Variants in AGMO observed in about 807,000 individuals in gnomAD.
The protein encoded by AGMO is glyceryl-ether monooxygenase.
Under a neutral mutation model 60.2 loss-of-function variants are expected in AGMO, and 75 were observed. That is an observed-to-expected ratio of 1.25 (90% CI 1.03 to 1.51). The LOEUF (loss-of-function observed/expected upper bound fraction) is 1.51. Among genes scored for constraint, AGMO ranks in the 40% most tolerant of loss-of-function variants. The probability of loss-of-function intolerance (pLI) is 0.00; values close to 1 mark genes in which losing one functional copy is unlikely to be tolerated. For missense variants in AGMO, 763 were observed against 525.5 expected (o/e 1.45, Z -4.42); for synonymous variants, 261 against 177.1 (o/e 1.47, Z -3.76).
At chr7:15,132,394 A>G in the AGMO span, among the ~76,000 whole-genome samples, 1 of 152,116 alleles carries the variant, frequency 6.6e-6, no homozygotes. Context: ...GACAACAGAA[A>G]AATCTGATGT....
At chr7:15,148,798 T>C in the AGMO span, among the ~76,000 whole-genome samples, 3 of 152,170 alleles carry the variant, frequency 2.0e-5, no homozygotes, top group East Asian at 3.9e-4. Flanking sequence ...TGCATGTGTC[T>C]TTTTGGTAAA....
intron 6 of AGMO, 105 bp downstream of exon 6, chr7:15,394,008 G>A (rs1413933880): frequency 4.7e-6 from 3 of 634,006 alleles, no homozygotes; most frequent in Admixed American, 5.7e-5. Flanking sequence ...TTTGTAAAAT[G>A]TGTGCTGACT....
At chr7:15,361,546 A>AAAAAAAAAAAGAAAAAAAAG (rs60239009) in intron 12 of AGMO, among the ~76,000 whole-genome samples, 1 of 91,408 alleles carries the variant, frequency 1.1e-5, no homozygotes, top group Non-Finnish European at 2.2e-5. Flanking sequence ...TCTCAAAAAA[A>AAAAAAAAAAAGAAAAAAAAG]AAAAAAAAGG....
chr7:15,159,394 T>G, the AGMO span, among the ~76,000 whole-genome samples: 1 of 152,220 alleles, frequency 6.6e-6, no homozygotes, highest in East Asian at 1.9e-4. Context: ...GCTTTGTTTT[T>G]AATTCTTCTG....
chr7:15,511,648 C>T (rs1180056646), intron 3 of AGMO, among the ~76,000 whole-genome samples: 1 of 152,002 alleles, frequency 6.6e-6, no homozygotes, highest in African/African-American at 2.4e-5. Flanking sequence ...TCCCATCCCC[C>T]AAAAGTAACT....
chr7:15,436,904 G>C (rs949692947), intron 3 of AGMO, among the ~76,000 whole-genome samples: 10 of 152,098 alleles, frequency 6.6e-5, no homozygotes, highest in Non-Finnish European at 1.3e-4. Flanking sequence ...TTGAATTGTA[G>C]CAACGGTCTT....
chr7:15,133,402 G>T, the AGMO span, among the ~76,000 whole-genome samples: 1 of 152,158 alleles, frequency 6.6e-6, no homozygotes, highest in African/African-American at 2.4e-5. Context: ...GTGCTGAAAT[G>T]GTTTCAGTTG....
At chr7:15,330,045 A>C (rs1583415378) in intron 12 of AGMO, among the ~76,000 whole-genome samples, 1 of 133,428 alleles carries the variant, frequency 7.5e-6, no homozygotes, top group East Asian at 2.3e-4. Flanking sequence ...TGGATAACTA[A>C]AATATAGAAT....
intron 12 of AGMO, among the ~76,000 whole-genome samples, chr7:15,268,157 T>A (rs966641156): frequency 4.6e-5 from 7 of 152,002 alleles, no homozygotes; most frequent in African/African-American, 1.7e-4. Flanking sequence ...TGATTGCCTG[T>A]TATTAATATG....
chr7:15,258,765 C>A (rs886556779), intron 12 of AGMO, among the ~76,000 whole-genome samples: 1 of 151,978 alleles, frequency 6.6e-6, no homozygotes, highest in Non-Finnish European at 1.5e-5. Flanking sequence ...TCTAGACACT[C>A]GCCAGTACCA....
chr7:15,342,882 C>T (rs1340116673), intron 12 of AGMO, among the ~76,000 whole-genome samples: 1 of 149,178 alleles, frequency 6.7e-6, no homozygotes, highest in African/African-American at 2.5e-5. Flanking sequence ...GCCTCAATAT[C>T]CTCATTTGAG....
intron 2 of AGMO, among the ~76,000 whole-genome samples, chr7:15,547,379 T>G (rs1023098991): frequency 1.1e-4 from 17 of 151,588 alleles, no homozygotes; most frequent in Non-Finnish European, 1.3e-4. Context: ...AGAAGACGGG[T>G]GATTTCTGCA....
chr7:15,169,344 GATT>G, the AGMO span, among the ~76,000 whole-genome samples: 1 of 151,388 alleles, frequency 6.6e-6, no homozygotes, highest in African/African-American at 2.4e-5. Flanking sequence ...ACCAATTGCT[GATT>G]ACACCATTAG....
chr7:15,272,340 T>C (rs1247352131), intron 12 of AGMO, among the ~76,000 whole-genome samples: 1 of 139,388 alleles, frequency 7.2e-6, no homozygotes, highest in Non-Finnish European at 1.5e-5. Flanking sequence ...CCAAGTGTTC[T>C]CGTTGTTCAA....
At chr7:15,492,358 GAAAA>G (rs67387904) in intron 3 of AGMO, among the ~76,000 whole-genome samples, 3 of 116,716 alleles carry the variant, frequency 2.6e-5, no homozygotes, top group Admixed American at 8.6e-5. Flanking sequence ...GGCCCAATAC[GAAAA>G]AAAAAAAAAA....
At chr7:15,135,167 T>TTA in the AGMO span, among the ~76,000 whole-genome samples, 1 of 50,382 alleles carries the variant, frequency 2.0e-5, no homozygotes, top group Non-Finnish European at 5.7e-5. Flanking sequence ...TGAGTTTGTG[T>TTA]GTGTGTGTGT....
intron 12 of AGMO, among the ~76,000 whole-genome samples, chr7:15,337,010 G>A (rs1046145082): frequency 1.2e-4 from 19 of 152,084 alleles, no homozygotes; most frequent in Non-Finnish European, 1.8e-4. Flanking sequence ...GCACTCAAAC[G>A]TATGTAACTG....
chr7:15,396,126 T>C (rs915002506), intron 5 of AGMO: 4 of 152,234 alleles, frequency 2.6e-5, no homozygotes, highest in African/African-American at 9.7e-5. Flanking sequence ...GACAGAAATA[T>C]TTGCATGCAA....
In AGMO at chr7:15,202,106, GA is replaced by G. The variant is rs150125623; in HGVS notation, c.1264-748del. On this transcript the variant is annotated intron_variant, in intron 12 of 12. Coordinates refer to ENST00000342526, the MANE Select transcript of AGMO (RefSeq NM_001004320.2). ...GTGGTTGGGTAACTGGAATGATGAT[GA>G]AAGCAAACAATGCCAAAACAACCAG... 3.8e-3 allele frequency among the ~76,000 whole-genome samples: 577 copies of G among 152,160 alleles called. 1 individual carries two copies. Among genetic ancestry groups the G allele is most frequent in the African/African-American group, 0.013 (540 of 41,516 alleles).
Sources: allele counts gnomAD v4.1 joint callset (sites outside exome capture counted in the v4.1 genomes callset), GRCh38; gene constraint gnomAD v4.1.1; transcripts MANE v1.5; gene names NCBI Gene and HGNC (gene_info 2026-07-23, HGNC 2026-07-21).